The following TAF1B variants were observed in gnomAD, a reference collection of about 807,000 sequenced individuals.
TAF1B encodes TATA box-binding protein-associated factor RNA polymerase I subunit B.
In TAF1B, 61 loss-of-function variants were observed where a neutral mutation model predicts 83.9. The ratio of observed to expected loss-of-function variants is 0.73; its 90% CI spans 0.59 to 0.90. The LOEUF (loss-of-function observed/expected upper bound fraction) is 0.90, where lower values mean the gene tolerates loss of function less well. Ranked by LOEUF, TAF1B falls within the 40% of genes least tolerant of loss-of-function variation. The pLI is 0.00. For synonymous variants in TAF1B, 221 were observed against 224.6 expected (o/e 0.98, Z 0.14); for missense variants, 625 against 677.0 (o/e 0.92, Z 0.85).
At chr2:9,886,796 G>A (rs973371337) in intron 8 of TAF1B, among the ~76,000 whole-genome samples, 3 of 152,226 alleles carry the variant, frequency 2.0e-5, no homozygotes, top group African/African-American at 7.2e-5. Context: ...GCCAGGCGCA[G>A]TGGCTTACGC....
chr2:9,889,664 T>G (rs1279530603), intron 8 of TAF1B, among the ~76,000 whole-genome samples: 1 of 152,202 alleles, frequency 6.6e-6, no homozygotes, highest in Non-Finnish European at 1.5e-5. Context: ...TCATTGTAAT[T>G]TTTATGTTGT....
intron 5 of TAF1B, among the ~76,000 whole-genome samples, chr2:9,867,771 GTA>G (rs1301057222): frequency 7.2e-5 from 11 of 152,132 alleles, no homozygotes; most frequent in African/African-American, 2.7e-4. Flanking sequence ...GTTACAAATC[GTA>G]TATGCTACAG....
chr2:9,927,780 T>C (rs1466637214), intron 14 of TAF1B, among the ~76,000 whole-genome samples: 1 of 152,238 alleles, frequency 6.6e-6, no homozygotes, highest in Non-Finnish European at 1.5e-5. Flanking sequence ...CTTTGTCAGA[T>C]GGGTAGATTG....
chr2:9,894,938 G>A (rs757489387), intron 8 of TAF1B, among the ~76,000 whole-genome samples: 4 of 152,184 alleles, frequency 2.6e-5, no homozygotes, highest in Non-Finnish European at 5.9e-5. Context: ...CAGAGCGTTT[G>A]GAGAACAGGC....
At chr2:9,869,920 A>G (rs1664113191) in intron 6 of TAF1B, among the ~76,000 whole-genome samples, 1 of 152,110 alleles carries the variant, frequency 6.6e-6, no homozygotes, top group Non-Finnish European at 1.5e-5. Context: ...AAACTATAAA[A>G]TGCAGATAGT....
chr2:9,927,699 C>G (rs1666084407), intron 14 of TAF1B, among the ~76,000 whole-genome samples: 1 of 152,188 alleles, frequency 6.6e-6, no homozygotes, highest in South Asian at 2.1e-4. Context: ...ATATCCTTTG[C>G]TCACTTTTTG....
chr2:9,895,813 C>CTTTTTTTTTTTTTTTTTTTTTTTTTTTTT, intron 8 of TAF1B, among the ~76,000 whole-genome samples: 1 of 112,480 alleles, frequency 8.9e-6, no homozygotes, highest in Non-Finnish European at 1.8e-5. Flanking sequence ...GCACTGCACT[C>CTTTTTTTTTTTTTTTTTTTTTTTTTTTTT]TTTTTTTTTT....
At position 9,877,382 on chromosome 2, in the gene TAF1B, C is replaced by A. The variant is rs147923786; in HGVS notation, c.707+1364C>A. On this transcript the variant is annotated intron_variant, in intron 7 of 14. Transcript: ENST00000263663. ...CTCTTTCTTAGTAAATGCCATCCAC[C>A]CTGTTGCATCCTATCCAGAAGCCTA... Among the ~76,000 whole-genome samples the A allele has an allele frequency of 4.6e-5, 7 of 152,276 alleles. No individual in the cohort carries two copies. In the East Asian group the frequency reaches 1.4e-3, roughly 29 times the overall value.
At chr2:9,930,952 TG>T (rs1435525259) in intron 14 of TAF1B, among the ~76,000 whole-genome samples, 2 of 152,236 alleles carry the variant, frequency 1.3e-5, no homozygotes, top group Non-Finnish European at 2.9e-5. Context: ...TGATCTTTGT[TG>T]GTTTAAAGTC....
intron 2 of TAF1B, 142 bp downstream of exon 2, chr2:9,845,460 A>G: frequency 1.6e-6 from 1 of 616,900 alleles, no homozygotes; most frequent in Non-Finnish European, 2.9e-6. Flanking sequence ...ATGTGGTCTT[A>G]GGTACTTACA....
Position 9,843,634 on chromosome 2 carries a change from G to A in TAF1B, c.18+75G>A, listed in dbSNP as rs1016838436. On this transcript the variant is annotated intron_variant, in intron 1 of 14. Coordinates refer to ENST00000263663, the MANE Select transcript of TAF1B (RefSeq NM_005680.3). ...AGAGAAGCTGAGGAGGAGCGGCGGA[G>A]GACGCCGCGGGTTGGGGCGGCGACG... 73 of 1,395,738 alleles carry A rather than the reference G, an allele frequency of 5.2e-5. No homozygotes were observed. In the African/African-American group the frequency reaches 9.9e-4, roughly 19 times the overall value. The allele number at this position is 1,395,738 out of a possible 1,614,324, so 86.5% of individuals were successfully genotyped here.
At chr2:9,887,668 T>G (rs1417955737) in intron 8 of TAF1B, among the ~76,000 whole-genome samples, 2 of 152,206 alleles carry the variant, frequency 1.3e-5, no homozygotes, top group African/African-American at 4.8e-5. Flanking sequence ...TGTTGATTTT[T>G]AAACATCTAA....
intron 8 of TAF1B, among the ~76,000 whole-genome samples, chr2:9,899,329 G>T (rs189127327): frequency 1.3e-5 from 2 of 152,232 alleles, no homozygotes; most frequent in African/African-American, 2.4e-5. Flanking sequence ...CACCTATATT[G>T]TAGTTCGTGT....
At chr2:9,870,478 C>T (rs868348682) in intron 6 of TAF1B, among the ~76,000 whole-genome samples, 11 of 152,128 alleles carry the variant, frequency 7.2e-5, no homozygotes, top group African/African-American at 2.7e-4. Context: ...CGGAGCAAAA[C>T]CTTGTCTTAA....
chr2:9,884,831 C>T (rs531373185), intron 8 of TAF1B, among the ~76,000 whole-genome samples: 11 of 152,260 alleles, frequency 7.2e-5, no homozygotes, highest in South Asian at 2.1e-4. Flanking sequence ...CAGCTGTGGA[C>T]GTGGGCATCC....
Position 9,904,963 on chromosome 2 carries a change from C to T in TAF1B, c.912C>T (p.Pro304=), listed in dbSNP as rs750422692. 1.4e-5 allele frequency: 22 copies of T among 1,612,408 alleles called. No homozygotes were observed. In the South Asian group the frequency reaches 2.2e-4, roughly 16 times the overall value. The stretch of plus-strand genomic sequence containing the variant: ...TAACTGAAGACTGCTATCTTCATCC[C>T]AACATACTGTGTATGAAATACTTGA... ...PDITEDCYLH[P]NILCMKYLME... is the part of the protein sequence containing the mutation. Residue 304 remains proline (P), a synonymous_variant, in exon 9 of 15, where the codon CCC becomes CCT. Coordinates refer to ENST00000263663, the MANE Select transcript of TAF1B (RefSeq NM_005680.3).
chr2:9,891,272 C>T (rs1297701199), intron 8 of TAF1B, among the ~76,000 whole-genome samples: 1 of 152,152 alleles, frequency 6.6e-6, no homozygotes, highest in Non-Finnish European at 1.5e-5. Flanking sequence ...TATAAACAGA[C>T]CTTTACTGCC....
At chr2:9,906,785 A>G (rs1665356651) in intron 9 of TAF1B, among the ~76,000 whole-genome samples, 1 of 152,222 alleles carries the variant, frequency 6.6e-6, no homozygotes, top group Non-Finnish European at 1.5e-5. Context: ...TTAGGGTAAC[A>G]CATGTTATTT....
intron 7 of TAF1B, among the ~76,000 whole-genome samples, chr2:9,879,188 A>G (rs1012301473): frequency 1.1e-4 from 16 of 152,250 alleles, no homozygotes; most frequent in Non-Finnish European, 2.4e-4. Flanking sequence ...GTAAGAGATT[A>G]ACAACAATAC....
Sources: allele counts gnomAD v4.1 joint callset (sites outside exome capture counted in the v4.1 genomes callset), GRCh38; gene constraint gnomAD v4.1.1; transcripts MANE v1.5; gene names NCBI Gene and HGNC (gene_info 2026-07-23, HGNC 2026-07-21).